Variants in USHBP1 observed in about 807,000 individuals in gnomAD.
The protein encoded by USHBP1 is harmonin-binding protein USHBP1.
A neutral mutation model predicts 76.2 loss-of-function variants in USHBP1; 67 were observed. The ratio of observed to expected loss-of-function variants is 0.88; its 90% CI spans 0.72 to 1.08. The LOEUF (loss-of-function observed/expected upper bound fraction) is 1.08. Among genes scored for constraint, USHBP1 ranks in the 50% least tolerant of loss-of-function variants. The pLI, the probability that USHBP1 is intolerant of heterozygous loss-of-function variation, is 0.00. For synonymous variants in USHBP1, 322 were observed against 362.2 expected (o/e 0.89, Z 1.26); for missense variants, 931 against 915.0 (o/e 1.02, Z -0.23).
At position 17,250,418 on chromosome 19, in the gene USHBP1, G is replaced by A; in HGVS notation, c.1923-4C>T. ...TCGGAAGGCCAGGACCAGGGCGCTGGAAGGGGTGGGTGGCTGGGTCAGGAA... is the reference window on the plus strand; with the variant it reads ...TCGGAAGGCCAGGACCAGGGCGCTGAAAGGGGTGGGTGGCTGGGTCAGGAA... On this transcript the variant is annotated splice_polypyrimidine_tract_variant and splice_region_variant and intron_variant, in intron 12 of 12. Transcript: ENST00000252597. 6.2e-7 allele frequency: 1 copy of A among 1,610,864 alleles called. No individual in the cohort carries two copies. Among genetic ancestry groups the A allele is most frequent in the Non-Finnish European group, 8.5e-7 (1 of 1,179,588 alleles).
intron 4 of USHBP1, among the ~76,000 whole-genome samples, chr19:17,262,258 C>T (rs1432235170): frequency 6.6e-6 from 1 of 152,100 alleles, no homozygotes; most frequent in Non-Finnish European, 1.5e-5. Flanking sequence ...CCACCTCAGC[C>T]TCCCAAAGTG....
chr19:17,257,498 C>T (rs922404354), intron 8 of USHBP1, among the ~76,000 whole-genome samples: 2 of 150,580 alleles, frequency 1.3e-5, no homozygotes, highest in Non-Finnish European at 3.0e-5. Flanking sequence ...CAAAATTAGC[C>T]GGGTGTGGTA....
chr19:17,255,624 G>T lies in USHBP1; in HGVS notation c.1471-18C>A, dbSNP rs554380229. 1.2e-5 allele frequency: 19 copies of T among 1,594,118 alleles called. No homozygotes were observed. Among genetic ancestry groups the T allele is most frequent in the Middle Eastern group, 3.9e-4 (2 of 5,188 alleles). ...AGGGCCTCCTGTGGGACCAAGGAGA[G>T]GGGAGAGAATTTATGCTTCTACGGT... On this transcript the variant is annotated intron_variant, in intron 9 of 12. Transcript: ENST00000252597.
chr19:17,256,583 G>A lies in USHBP1; in HGVS notation c.1358C>T (p.Pro453Leu), dbSNP rs1251501353. The A allele has an allele frequency of 1.9e-6, 3 of 1,614,190 alleles. No homozygotes were observed. The highest frequency in any genetic ancestry group is 2.2e-5 in the East Asian group (1 of 44,880). The change falls in exon 9 of 13, where the codon CCC becomes CTC. Residue 453 changes from proline (P) to leucine (L), a missense_variant. Coordinates refer to ENST00000252597, the MANE Select transcript of USHBP1 (RefSeq NM_031941.4). ...SEPGPTLAPM[P>L]TVPRAEAMVQ... ...CATGGCTTCTGCACGGGGCACAGTGGGCATGGGTGCCAAGGTGGGGCCAGG... is the reference window on the plus strand; with the variant it reads ...CATGGCTTCTGCACGGGGCACAGTGAGCATGGGTGCCAAGGTGGGGCCAGG...
chr19:17,256,739 G>A lies in USHBP1; in HGVS notation c.1221-19C>T. The stretch of plus-strand genomic sequence containing the variant: ...TTCAGGGCTATAGAAAACAGAAAAG[G>A]TGCCTATGTCAACACTGGCAGGCAT... On this transcript the variant is annotated intron_variant, in intron 8 of 12. Transcript: ENST00000252597. 1 of 1,613,840 alleles carries A rather than the reference G, an allele frequency of 6.2e-7. No homozygotes were observed. The highest frequency in any genetic ancestry group is 8.5e-7 in the Non-Finnish European group (1 of 1,179,994).
chr19:17,256,863 C>T, intron 8 of USHBP1, 143 bp from the exon 9 acceptor site: 1 of 1,237,210 alleles, frequency 8.1e-7, no homozygotes, highest in Non-Finnish European at 1.1e-6. Flanking sequence ...CCTGTCACAC[C>T]AACATACCCC....
intron 1 of USHBP1, 23 bp from the exon 2 acceptor site, chr19:17,264,370 G>A: frequency 4.7e-6 from 7 of 1,501,016 alleles, no homozygotes; most frequent in Non-Finnish European, 6.3e-6. Context: ...CCTGCCATGA[G>A]CTCTTGCCTT....
chr19:17,262,746 C>T lies in USHBP1; in HGVS notation c.448G>A (p.Glu150Lys), dbSNP rs1053682441. Reference sequence around the variant, plus strand: ...CCTGCTCCCCCTTCGCTTGTGCCTTCGAACTCCATCGGCCCAGAATGGCTG... The same window carrying T: ...CCTGCTCCCCCTTCGCTTGTGCCTTTGAACTCCATCGGCCCAGAATGGCTG... ...PPSHSGPMEFEGTSEGGAGSL... is the reference protein window; with the variant it reads ...PPSHSGPMEFKGTSEGGAGSL... The change falls in exon 4 of 13, where the codon GAA becomes AAA. Residue 150 changes from glutamate to lysine, a missense_variant. By Grantham distance (56) the Glu-to-Lys change is moderately conservative. Coordinates refer to ENST00000252597, the MANE Select transcript of USHBP1 (RefSeq NM_031941.4). 2.3e-5 allele frequency: 37 copies of T among 1,614,224 alleles called. No homozygotes were observed. The highest frequency in any genetic ancestry group is 4.0e-5 in the African/African-American group (3 of 75,062).
intron 9 of USHBP1, 40 bp downstream of exon 9, chr19:17,256,431 A>C (rs942547360): frequency 6.2e-7 from 1 of 1,608,046 alleles, no homozygotes; most frequent in African/African-American, 1.3e-5. Context: ...ATTTTGTCCC[A>C]CCAAGAAAGA....
rs2073702368 is a variant in USHBP1 at position 17,262,600 on chromosome 19, C to G, written c.594G>C (p.Gln198His). Residue 198 changes from glutamine (Q) to histidine (H), a missense_variant, in exon 4 of 13, where the codon CAG becomes CAC. Transcript: ENST00000252597. ...CAGCTCGGATGGCCTCCAGGGAGGCCTGCGTGCGGACCAGCTCATCCTCTC... is the reference window on the plus strand; with the variant it reads ...CAGCTCGGATGGCCTCCAGGGAGGCGTGCGTGCGGACCAGCTCATCCTCTC... ...SSREDELVRT[Q>H]ASLEAIRAEK... 2 of 1,613,428 alleles carry G rather than the reference C, an allele frequency of 1.2e-6. No individual in the cohort carries two copies. Among genetic ancestry groups the G allele is most frequent in the East Asian group, 4.5e-5 (2 of 44,862 alleles).
At position 17,252,897 on chromosome 19, in the gene USHBP1, AC is replaced by A. The variant is rs1358260502; in HGVS notation, c.1693-881del. 3.9e-5 allele frequency among the ~76,000 whole-genome samples: 6 copies of A among 152,080 alleles called. No homozygotes were observed. The East Asian group carries it at 9.7e-4, about 24-fold the overall frequency. On this transcript the variant is annotated intron_variant, in intron 10 of 12. Coordinates refer to ENST00000252597, the MANE Select transcript of USHBP1 (RefSeq NM_031941.4). Reference sequence around the variant, plus strand: ...GTGAGACTCTGTCTCAAAAAAAAAAACAACAAAAAAACAAAAACAAAAACTA... The same window carrying A: ...GTGAGACTCTGTCTCAAAAAAAAAAAAACAAAAAAACAAAAACAAAAACTA...
rs2073608903 is a variant in USHBP1 at position 17,255,559 on chromosome 19, C to T, written c.1518G>A (p.Glu506=). The T allele has an allele frequency of 6.2e-7, 1 of 1,613,362 alleles. No individual in the cohort carries two copies. ...CCTCCCGCAGCTCTAGGCCCCGCTT[C>T]TCACGCCGCACCAGCTGCAGCCGAA... ...LMLRLQLVRR[E]KRGLELREAA... The change falls in exon 10 of 13, where the codon GAG becomes GAA. Residue 506 remains glutamate, a synonymous_variant. Coordinates refer to ENST00000252597, the MANE Select transcript of USHBP1 (RefSeq NM_031941.4).
chr19:17,255,222 G>T (rs992220903), intron 10 of USHBP1, among the ~76,000 whole-genome samples, 163 bp downstream of exon 10: 15 of 151,954 alleles, frequency 9.9e-5, no homozygotes, highest in African/African-American at 3.1e-4. Context: ...AACCTGGGAG[G>T]CGGAGGTTGT....
rs770529815 is a variant in USHBP1, at chr19:17,256,610, T to G, written c.1331A>C (p.Glu444Ala). ...CATGGGTGCCAAGGTGGGGCCAGGC[T>G]CTGAGAGAATCTTCATTAGAGAACG... ...ERRSLMKILS[E>A]PGPTLAPMPT... Residue 444 changes from glutamate to alanine, a missense_variant, in exon 9 of 13, where the codon GAG (glutamate) becomes GCG (alanine). Glu to Ala is a moderately radical substitution (Grantham distance 107, BLOSUM62 -1). Coordinates refer to ENST00000252597, the MANE Select transcript of USHBP1 (RefSeq NM_031941.4). 1.2e-6 allele frequency: 2 copies of G among 1,614,198 alleles called. No homozygotes were observed. Among genetic ancestry groups the G allele is most frequent in the South Asian group, 2.2e-5 (2 of 91,086 alleles).
At chr19:17,261,920 A>G (rs1308470489) in intron 4 of USHBP1, among the ~76,000 whole-genome samples, 1 of 150,652 alleles carries the variant, frequency 6.6e-6, no homozygotes, top group Admixed American at 6.6e-5. Context: ...CCTGGCCTCA[A>G]GGGAGCCACC....
chr19:17,257,122 G>A (rs1010975723), intron 8 of USHBP1, among the ~76,000 whole-genome samples: 2 of 148,780 alleles, frequency 1.3e-5, no homozygotes, highest in African/African-American at 2.5e-5. Context: ...TCGGGTTCAC[G>A]CCATTCTCCT....
At chr19:17,260,999 C>T (rs2073680397) in intron 4 of USHBP1, among the ~76,000 whole-genome samples, 1 of 152,294 alleles carries the variant, frequency 6.6e-6, no homozygotes, top group African/African-American at 2.4e-5. Flanking sequence ...CCAATGAAGT[C>T]GCCTCCTGGC....
At chr19:17,257,090 G>A (rs1238688983) in intron 8 of USHBP1, among the ~76,000 whole-genome samples, 12 of 148,590 alleles carry the variant, frequency 8.1e-5, no homozygotes, top group Non-Finnish European at 1.8e-4. Flanking sequence ...GCATAACCTC[G>A]GCTCACTGCA....
At position 17,262,692 on chromosome 19, in the gene USHBP1, T is replaced by A; in HGVS notation, c.502A>T (p.Ser168Cys). The A allele has an allele frequency of 1.2e-6, 2 of 1,614,120 alleles. No individual in the cohort carries two copies. The highest frequency in any genetic ancestry group is 8.5e-7 in the Non-Finnish European group (1 of 1,180,028). Residue 168 changes from serine (S) to cysteine (C), a missense_variant, in exon 4 of 13, where the codon AGC becomes TGC. Physicochemically the swap from Ser to Cys is moderately radical, Grantham distance 112 (BLOSUM62 -1). Coordinates refer to ENST00000252597, the MANE Select transcript of USHBP1 (RefSeq NM_031941.4). ...GSLGKQEGAG[S>C]CQREAARLAE... ...AGGCGAGCTGCCTCTCGCTGGCAGC[T>A]CCCTGCCCCTTCCTGCTTCCCAAGG...
Sources: allele counts gnomAD v4.1 joint callset (sites outside exome capture counted in the v4.1 genomes callset), GRCh38; gene constraint gnomAD v4.1.1; transcripts MANE v1.5; gene names NCBI Gene and HGNC (gene_info 2026-07-23, HGNC 2026-07-21).